CEP192: variants seen among roughly 807,000 people sequenced by gnomAD.
CEP192 encodes centrosomal protein 192.
Under a neutral mutation model 271.8 loss-of-function variants are expected in CEP192, and 151 were observed. The ratio of observed to expected loss-of-function variants is 0.56; its 90% CI spans 0.49 to 0.64. The LOEUF is 0.64. Ranked by LOEUF, CEP192 falls within the 30% of genes least tolerant of loss-of-function variation. CEP192 has a pLI of 0.00. For missense variants in CEP192, 2,910 were observed against 3,020.5 expected, an observed-to-expected ratio of 0.96 and a Z score of 0.86; for synonymous variants, 995 against 1,076.5, an observed-to-expected ratio of 0.92 and a Z score of 1.48.
chr18:13,086,969 C>T, intron 30 of CEP192, 48 bp from the exon 31 acceptor site: 3 of 1,367,170 alleles, frequency 2.2e-6, no homozygotes, highest in South Asian at 2.6e-5. Context: ...CAGTGTTTCG[C>T]TTTCTGCTTA....
intron 9 of CEP192, among the ~76,000 whole-genome samples, chr18:13,025,174 A>G (rs2035221923): frequency 6.6e-6 from 1 of 151,634 alleles, no homozygotes; most frequent in South Asian, 2.1e-4. Context: ...TTTTTCTTTC[A>G]GTCTTATTCT....
intron 17 of CEP192, 36 bp from the exon 18 acceptor site, chr18:13,052,883 G>A (rs752408188): frequency 3.7e-6 from 5 of 1,345,866 alleles, no homozygotes; most frequent in Admixed American, 4.4e-5. Flanking sequence ...TTGAAGGACT[G>A]GAGAACTCCA....
intron 32 of CEP192, among the ~76,000 whole-genome samples, chr18:13,088,003 C>CTGAA (rs2038975331): frequency 6.6e-6 from 1 of 152,082 alleles, no homozygotes; most frequent in East Asian, 1.9e-4. Flanking sequence ...TTAAGAACTA[C>CTGAA]TGAATGATTA....
intron 38 of CEP192, among the ~76,000 whole-genome samples, chr18:13,101,166 C>T (rs369788982): frequency 4.6e-5 from 7 of 152,252 alleles, no homozygotes; most frequent in African/African-American, 9.6e-5. Context: ...TCTAGTCAGC[C>T]GCAATCACAA....
chr18:13,111,948 T>A (rs1326048743), intron 40 of CEP192, among the ~76,000 whole-genome samples: 1 of 152,224 alleles, frequency 6.6e-6, no homozygotes, highest in Non-Finnish European at 1.5e-5. Flanking sequence ...CTAAGATGGC[T>A]GTGAGTTTTA....
At chr18:13,029,252 A>G (rs979342096) in intron 9 of CEP192, among the ~76,000 whole-genome samples, 2 of 152,244 alleles carry the variant, frequency 1.3e-5, no homozygotes, top group South Asian at 2.1e-4. Context: ...CCTTACTCCT[A>G]TTAAAAGATA....
chr18:13,020,141 CAAT>C (rs2034903974), intron 9 of CEP192, among the ~76,000 whole-genome samples: 1 of 152,112 alleles, frequency 6.6e-6, no homozygotes, highest in Non-Finnish European at 1.5e-5. Flanking sequence ...GTGTACAGTT[CAAT>C]AATGTTAAGT....
chr18:13,036,800 C>T (rs908851784), intron 11 of CEP192, among the ~76,000 whole-genome samples: 5 of 152,174 alleles, frequency 3.3e-5, no homozygotes, highest in Admixed American at 6.5e-5. Context: ...TTGTCCGGAC[C>T]GGGGTTTCCT....
rs2040836651 is a variant in CEP192, at chr18:13,125,027, T to G, written c.*257T>G. On this transcript the variant is annotated 3_prime_UTR_variant, in exon 45 of 45. Coordinates refer to ENST00000506447, the MANE Select transcript of CEP192 (RefSeq NM_032142.4). ...TATGATATTCTGAATAAATATGGAATATATTTTAATGTGGTATATCCAGAA... is the reference window on the plus strand; with the variant it reads ...TATGATATTCTGAATAAATATGGAAGATATTTTAATGTGGTATATCCAGAA... The G allele has an allele frequency of 3.7e-6, 1 of 267,032 alleles. No homozygotes were observed. Among genetic ancestry groups the G allele is most frequent in the East Asian group, 6.8e-5 (1 of 14,800 alleles). The allele number at this position is 267,032 out of a possible 1,614,324, so 16.5% of individuals were successfully genotyped here. A position where few individuals can be genotyped will look rare whatever the true frequency, so the allele number is the denominator to read the frequency against.
At chr18:13,012,210 AGTG>A (rs1310798476) in intron 4 of CEP192, among the ~76,000 whole-genome samples, 2 of 152,256 alleles carry the variant, frequency 1.3e-5, no homozygotes, top group Admixed American at 6.5e-5. Flanking sequence ...TAATGAAAAT[AGTG>A]GTGATGGCTG....
intron 13 of CEP192, 89 bp downstream of exon 13, chr18:13,038,668 A>G: frequency 3.0e-6 from 3 of 1,009,588 alleles, no homozygotes; most frequent in South Asian, 1.4e-5. Flanking sequence ...AAATGGAGAT[A>G]GAATAGGATG....
intron 43 of CEP192, among the ~76,000 whole-genome samples, chr18:13,116,926 A>T (rs1362708039): frequency 1.3e-5 from 2 of 152,078 alleles, no homozygotes; most frequent in Non-Finnish European, 2.9e-5. Context: ...AGTAATTTTT[A>T]AAAATGCAAT....
At chr18:13,123,877 C>A (rs529620) in intron 44 of CEP192, among the ~76,000 whole-genome samples, 2 of 152,038 alleles carry the variant, frequency 1.3e-5, no homozygotes, top group South Asian at 2.1e-4. Context: ...TGAAAGTTTC[C>A]GGCCGGGCAT....
intron 1 of CEP192, among the ~76,000 whole-genome samples, chr18:12,994,673 C>T (rs1213503635): frequency 6.6e-6 from 1 of 152,158 alleles, no homozygotes; most frequent in East Asian, 1.9e-4. Context: ...GAATGGACTA[C>T]ACCAGTAGAT....
Position 13,100,509 on chromosome 18 carries a change from T to G in CEP192, c.6868T>G (p.Ser2290Ala), listed in dbSNP as rs138416259. The G allele has an allele frequency of 1.2e-6, 2 of 1,603,464 alleles. No individual in the cohort carries two copies. Among genetic ancestry groups the G allele is most frequent in the African/African-American group, 2.7e-5 (2 of 74,858 alleles). The change falls in exon 38 of 45, where the codon TCA (serine) becomes GCA (alanine). Residue 2290 changes from serine to alanine, a missense_variant. Coordinates refer to ENST00000506447, the MANE Select transcript of CEP192 (RefSeq NM_032142.4). The part of the protein sequence containing the change: ...TFPTTEPGET[S>A]ESCLELENHG... ...TCCTACAACAGAACCTGGTGAAACT[T>G]CAGGTATTGTATCACAAAATTATGT...
intron 13 of CEP192, 32 bp from the exon 14 acceptor site, chr18:13,040,798 A>G (rs1434822674): frequency 1.3e-6 from 2 of 1,532,240 alleles, no homozygotes; most frequent in Non-Finnish European, 8.9e-7. Flanking sequence ...GTTGAAAATC[A>G]AAGAAATAAT....
chr18:13,055,529 G>A (rs1408887421), intron 18 of CEP192, among the ~76,000 whole-genome samples: 1 of 152,150 alleles, frequency 6.6e-6, no homozygotes, highest in Non-Finnish European at 1.5e-5. Context: ...AAAATTTTCA[G>A]ATATTCTTAG....
chr18:13,068,766 C>T (rs2037850290), intron 24 of CEP192, 86 bp from the exon 25 acceptor site: 2 of 1,428,768 alleles, frequency 1.4e-6, no homozygotes, highest in Non-Finnish European at 2.0e-6. Context: ...CTTATTGCCC[C>T]TAAGGGCACT....
rs371202914 is a variant in CEP192 at position 13,040,915 on chromosome 18, T to C, written c.1895T>C (p.Leu632Ser). 3.7e-6 allele frequency: 6 copies of C among 1,611,490 alleles called. No individual in the cohort carries two copies. The African/African-American group carries it at 6.7e-5, about 18-fold the overall frequency. ...IRKSDVSRGN[L>S]EKEMAHLNHD... The stretch of plus-strand genomic sequence containing the variant: ...AAATCTGATGTATCAAGAGGTAATT[T>C]GGAAAAAGAAATGGCTCATCTTAAC... The change falls in exon 14 of 45, where the codon TTG becomes TCG. Residue 632 changes from leucine (L) to serine (S), a missense_variant. Leu to Ser is a moderately radical substitution (Grantham distance 145). Coordinates refer to ENST00000506447, the MANE Select transcript of CEP192 (RefSeq NM_032142.4).
Sources: allele counts gnomAD v4.1 joint callset (sites outside exome capture counted in the v4.1 genomes callset), GRCh38; gene constraint gnomAD v4.1.1; transcripts MANE v1.5; gene names NCBI Gene and HGNC (gene_info 2026-07-23, HGNC 2026-07-21).